FNDC10: variants seen among roughly 807,000 people sequenced by gnomAD.
The protein encoded by FNDC10 is fibronectin type III domain-containing protein 10.
A neutral mutation model predicts 11.6 loss-of-function variants in FNDC10; 8 were observed. The observed-to-expected ratio is 0.69, with a 90% CI of 0.41 to 1.25. FNDC10 has a LOEUF of 1.25. FNDC10 is among the 50% of genes most tolerant of loss of function. FNDC10 has a pLI of 0.01. For synonymous variants in FNDC10, 187 were observed against 162.9 expected (o/e 1.15, Z -1.12); for missense variants, 308 against 330.2 (o/e 0.93, Z 0.52).
Position 1,599,835 on chromosome 1 carries a change from C to T in FNDC10, c.181G>A (p.Gly61Ser), listed in dbSNP as rs1294487803. The change falls in exon 1 of 1, where the codon GGC (glycine) becomes AGC (serine). Residue 61 changes from glycine (G) to serine (S), a missense_variant. By Grantham distance (56) the Gly-to-Ser change is moderately conservative (BLOSUM62 0). Transcript: ENST00000422725. This position sits in a 1 kb window ranked among gnomAD's most constrained non-coding sequence, Gnocchi z 6.7. ...CAGCCCGGAGCCTGGCAGCGGAAGCCGCGCGCGGGGCTGCGGAAGCACAGG... is the reference window on the plus strand; with the variant it reads ...CAGCCCGGAGCCTGGCAGCGGAAGCTGCGCGCGGGGCTGCGGAAGCACAGG... ...GRLCFRSPAR[G>S]FRCQAPGCVL... 4 of 1,098,276 alleles carry T rather than the reference C, an allele frequency of 3.6e-6. No individual in the cohort carries two copies. The highest frequency in any genetic ancestry group is 1.7e-5 in the African/African-American group (1 of 59,502). 68.0% of individuals were successfully genotyped at this position (1,098,276 alleles called of 1,614,324 possible). A position where few individuals can be genotyped will look rare whatever the true frequency, so the allele number is the denominator to read the frequency against.
rs1643080013 is a variant in FNDC10, at chr1:1,599,110, G to A, written c.*225C>T. 2 of 554,366 alleles carry A rather than the reference G, an allele frequency of 3.6e-6. No individual in the cohort carries two copies. The highest frequency in any genetic ancestry group is 2.3e-5 in the South Asian group (1 of 42,700). The allele number at this position is 554,366 out of a possible 1,614,324, so 34.3% of individuals were successfully genotyped here. A position where few individuals can be genotyped will look rare whatever the true frequency, so the allele number is the denominator to read the frequency against. On this transcript the variant is annotated 3_prime_UTR_variant, in exon 1 of 1. Coordinates refer to ENST00000422725, the MANE Select transcript of FNDC10 (RefSeq NM_001242659.2). This position sits in a 1 kb window ranked among gnomAD's most constrained non-coding sequence, Gnocchi z 6.7. ...GAGAGCCCTGGATGCGGCTGGCACA[G>A]CAGCGCAAGCCCAGGGGCCAATCCG...
chr1:1,598,556 C>G lies in FNDC10; in HGVS notation c.*779G>C, dbSNP rs1351077669. On this transcript the variant is annotated 3_prime_UTR_variant, in exon 1 of 1. Transcript: ENST00000422725. ...TGATGGCCGCCATCTGCCCCATTCC[C>G]ACAGGGACCTAGTCAGAGGTCGCAC... is the stretch of plus-strand genomic sequence containing the variant. The G allele has an allele frequency of 6.6e-6, 1 of 152,220 alleles. No homozygotes were observed. The highest frequency in any genetic ancestry group is 1.5e-5 in the Non-Finnish European group (1 of 68,078). The allele number at this position is 152,220 out of a possible 1,614,324, so 9.4% of individuals were successfully genotyped here.
Position 1,598,823 on chromosome 1 carries a change from C to T in FNDC10, c.*512G>A, listed in dbSNP as rs1643077000. ...CTTAGGGCCACAGACCCCCCCTGGACAGCAGAGGGTGTTGGCTCCTGCAGT... is the reference window on the plus strand; with the variant it reads ...CTTAGGGCCACAGACCCCCCCTGGATAGCAGAGGGTGTTGGCTCCTGCAGT... On this transcript the variant is annotated 3_prime_UTR_variant, in exon 1 of 1. Coordinates refer to ENST00000422725, the MANE Select transcript of FNDC10 (RefSeq NM_001242659.2). 6.4e-6 allele frequency: 1 copy of T among 156,652 alleles called. No homozygotes were observed. The highest frequency in any genetic ancestry group is 6.5e-5 in the Admixed American group (1 of 15,430). 9.7% of individuals were successfully genotyped at this position (156,652 alleles called of 1,614,324 possible). A position where few individuals can be genotyped will look rare whatever the true frequency, so the allele number is the denominator to read the frequency against.
rs1161622879 is a variant in FNDC10, at chr1:1,599,691, T to C, written c.325A>G (p.Asn109Asp). 4 of 1,397,182 alleles carry C rather than the reference T, an allele frequency of 2.9e-6. No homozygotes were observed. The highest frequency in any genetic ancestry group is 3.6e-5 in the Admixed American group (1 of 28,108). The allele number at this position is 1,397,182 out of a possible 1,614,324, so 86.5% of individuals were successfully genotyped here. A position where few individuals can be genotyped will look rare whatever the true frequency, so the allele number is the denominator to read the frequency against. ...AARRVRAFALNCSWRGAYTRF... is the reference protein window; with the variant it reads ...AARRVRAFALDCSWRGAYTRF... Reference sequence around the variant, plus strand: ...GTGTAGGCGCCGCGCCACGAGCAGTTGAGCGCGAAGGCGCGCACGCGGCGC... The same window carrying C: ...GTGTAGGCGCCGCGCCACGAGCAGTCGAGCGCGAAGGCGCGCACGCGGCGC... The change falls in exon 1 of 1, where the codon AAC becomes GAC. Residue 109 changes from asparagine (N) to aspartate (D), a missense_variant. Physicochemically the swap from Asn to Asp is conservative, Grantham distance 23. Transcript: ENST00000422725. This position sits in a 1 kb window ranked among gnomAD's most constrained non-coding sequence, Gnocchi z 6.7.
rs566698780 is a variant in FNDC10 at position 1,599,160 on chromosome 1, C to T, written c.*175G>A. On this transcript the variant is annotated 3_prime_UTR_variant, in exon 1 of 1. Transcript: ENST00000422725. The surrounding 1 kb of genome is among the most constrained non-coding windows in gnomAD (Gnocchi z 6.7). ...GGGGCCAGAGTCTGGGAGTCTGACG[C>T]CCGGCTGGAAAGGGCGTGTGATGAT... 8.0e-6 allele frequency: 5 copies of T among 625,862 alleles called. No homozygotes were observed. The South Asian group carries it at 1.1e-4, about 13-fold the overall frequency. The allele number at this position is 625,862 out of a possible 1,614,324, so 38.8% of individuals were successfully genotyped here.
Position 1,599,654 on chromosome 1 carries a change from C to T in FNDC10, c.362G>A (p.Cys121Tyr). Residue 121 changes from cysteine to tyrosine, a missense_variant, in exon 1 of 1, where the codon TGC becomes TAC. By Grantham distance (194) the Cys-to-Tyr change is radical. Transcript: ENST00000422725. This position sits in a 1 kb window ranked among gnomAD's most constrained non-coding sequence, Gnocchi z 6.7. The part of the protein sequence containing the change: ...SWRGAYTRFP[C>Y]ERVLLGASCR... ...GGAGGCCCCGAGGAGCACGCGCTCG[C>T]ACGGGAAGCGCGTGTAGGCGCCGCG... 1 of 1,472,306 alleles carries T rather than the reference C, an allele frequency of 6.8e-7. No homozygotes were observed. The highest frequency in any genetic ancestry group is 9.0e-7 in the Non-Finnish European group (1 of 1,116,884). 91.2% of individuals were successfully genotyped at this position (1,472,306 alleles called of 1,614,324 possible). A position where few individuals can be genotyped will look rare whatever the true frequency, so the allele number is the denominator to read the frequency against.
Position 1,598,889 on chromosome 1 carries a change from T to G in FNDC10, c.*446A>C. ...AGGCACGAAGCTAACCTAAGCCCAG[T>G]GGGGTGGGGCGGGGCAGGACAGGCT... On this transcript the variant is annotated 3_prime_UTR_variant, in exon 1 of 1. Transcript: ENST00000422725. The G allele has an allele frequency of 1.2e-5, 2 of 169,950 alleles. No homozygotes were observed. The highest frequency in any genetic ancestry group is 2.5e-5 in the Non-Finnish European group (2 of 80,486). The allele number at this position is 169,950 out of a possible 1,614,324, so 10.5% of individuals were successfully genotyped here.
Position 1,599,690 on chromosome 1 carries a change from T to C in FNDC10, c.326A>G (p.Asn109Ser), listed in dbSNP as rs1408711328. Reference sequence around the variant, plus strand: ...CGTGTAGGCGCCGCGCCACGAGCAGTTGAGCGCGAAGGCGCGCACGCGGCG... The same window carrying C: ...CGTGTAGGCGCCGCGCCACGAGCAGCTGAGCGCGAAGGCGCGCACGCGGCG... ...AARRVRAFAL[N>S]CSWRGAYTRF... The change falls in exon 1 of 1, where the codon AAC becomes AGC. Residue 109 changes from asparagine (N) to serine (S), a missense_variant. Physicochemically the swap from Asn to Ser is conservative, Grantham distance 46. Transcript: ENST00000422725. This position sits in a 1 kb window ranked among gnomAD's most constrained non-coding sequence, Gnocchi z 6.7. 42 of 1,397,782 alleles carry C rather than the reference T, an allele frequency of 3.0e-5. No individual in the cohort carries two copies. Among genetic ancestry groups the C allele is most frequent in the African/African-American group, 9.2e-5 (6 of 65,090 alleles). The allele number at this position is 1,397,782 out of a possible 1,614,324, so 86.6% of individuals were successfully genotyped here.
At position 1,598,708 on chromosome 1, in the gene FNDC10, T is replaced by C; in HGVS notation, c.*627A>G. 6.6e-6 allele frequency: 1 copy of C among 152,468 alleles called. No individual in the cohort carries two copies. The allele number at this position is 152,468 out of a possible 1,614,324, so 9.4% of individuals were successfully genotyped here. On this transcript the variant is annotated 3_prime_UTR_variant, in exon 1 of 1. Coordinates refer to ENST00000422725, the MANE Select transcript of FNDC10 (RefSeq NM_001242659.2). ...CAACACCCTAAACGGTACAGAGCGC[T>C]GCAGGCCCTCACCTCATGCTTCTGC...
chr1:1,599,158 C>G lies in FNDC10; in HGVS notation c.*177G>C. 1 of 620,516 alleles carries G rather than the reference C, an allele frequency of 1.6e-6. No homozygotes were observed. The highest frequency in any genetic ancestry group is 2.1e-5 in the South Asian group (1 of 46,906). 38.4% of individuals were successfully genotyped at this position (620,516 alleles called of 1,614,324 possible). On this transcript the variant is annotated 3_prime_UTR_variant, in exon 1 of 1. Transcript: ENST00000422725. The surrounding 1 kb of genome is among the most constrained non-coding windows in gnomAD (Gnocchi z 6.7). ...CCGGGGCCAGAGTCTGGGAGTCTGA[C>G]GCCCGGCTGGAAAGGGCGTGTGATG...
chr1:1,599,954 G>A lies in FNDC10; in HGVS notation c.62C>T (p.Ala21Val). 3.0e-6 allele frequency: 3 copies of A among 987,904 alleles called. 1 individual carries two copies. Among genetic ancestry groups the A allele is most frequent in the Non-Finnish European group, 3.6e-6 (3 of 833,180 alleles). The allele number at this position is 987,904 out of a possible 1,614,324, so 61.2% of individuals were successfully genotyped here. The change falls in exon 1 of 1, where the codon GCC becomes GTC. Residue 21 changes from alanine to valine, a missense_variant. Coordinates refer to ENST00000422725, the MANE Select transcript of FNDC10 (RefSeq NM_001242659.2). The surrounding 1 kb of genome is among the most constrained non-coding windows in gnomAD (Gnocchi z 6.7). ...CTCCCAGCCCGGCGGCGTCGGGGCG[G>A]CCGCGGCGCAGGGCGGCGGCGCGCA... is the stretch of plus-strand genomic sequence containing the variant. ...AACAPPPCAAAAPTPPGWEPT... is the reference protein window; with the variant it reads ...AACAPPPCAAVAPTPPGWEPT...
chr1:1,599,836 G>C lies in FNDC10; in HGVS notation c.180C>G (p.Arg60=), dbSNP rs945865589. ...AGCCCGGAGCCTGGCAGCGGAAGCC[G>C]CGCGCGGGGCTGCGGAAGCACAGGC... The part of the protein sequence containing the change: ...GGRLCFRSPA[R]GFRCQAPGCV... Residue 60 remains arginine (R), a synonymous_variant, in exon 1 of 1, where the codon CGC becomes CGG. Coordinates refer to ENST00000422725, the MANE Select transcript of FNDC10 (RefSeq NM_001242659.2). This position sits in a 1 kb window ranked among gnomAD's most constrained non-coding sequence, Gnocchi z 6.7. 5.2e-4 allele frequency: 572 copies of C among 1,094,576 alleles called. 3 individuals are homozygous for C. The African/African-American group carries it at 8.6e-3, about 16-fold the overall frequency. 67.8% of individuals were successfully genotyped at this position (1,094,576 alleles called of 1,614,324 possible). A position where few individuals can be genotyped will look rare whatever the true frequency, so the allele number is the denominator to read the frequency against.
In FNDC10 at chr1:1,599,738, C is replaced by T; in HGVS notation, c.278G>A (p.Trp93Ter). ...VLRNRSVLLQ[W>*]RLAPAAARRV... is the part of the protein sequence containing the mutation. ...GCGCGCGGCGGCCGGGGCCAGGCGC[C>T]ACTGCAGGAGGACGCTGCGGTTGCG... is the stretch of plus-strand genomic sequence containing the variant. The change falls in exon 1 of 1, where the codon TGG (tryptophan) becomes TAG (stop). Residue 93 changes from tryptophan (W) to a stop codon, truncating the protein, a stop_gained. Transcript: ENST00000422725. LOFTEE classifies it high-confidence loss of function. This position sits in a 1 kb window ranked among gnomAD's most constrained non-coding sequence, Gnocchi z 6.7. 1 of 1,319,306 alleles carries T rather than the reference C, an allele frequency of 7.6e-7. No homozygotes were observed. The highest frequency in any genetic ancestry group is 9.6e-7 in the Non-Finnish European group (1 of 1,042,096). 81.7% of individuals were successfully genotyped at this position (1,319,306 alleles called of 1,614,324 possible).
At position 1,599,419 on chromosome 1, in the gene FNDC10, C is replaced by T. The variant is rs934275412; in HGVS notation, c.597G>A (p.Val199=). The change falls in exon 1 of 1, where the codon GTG becomes GTA. Residue 199 remains valine (V), a synonymous_variant. Coordinates refer to ENST00000422725, the MANE Select transcript of FNDC10 (RefSeq NM_001242659.2). The surrounding 1 kb of genome is among the most constrained non-coding windows in gnomAD (Gnocchi z 6.7). ...TGTAGGCCACCAGCAGGCAGATGAC[C>T]ACCAGCATGACGCAGATGGAGCCGC... is the stretch of plus-strand genomic sequence containing the variant. The part of the protein sequence containing the change: ...AVGGSICVML[V]VICLLVAYIT... 5 of 1,534,132 alleles carry T rather than the reference C, an allele frequency of 3.3e-6. No homozygotes were observed. Among genetic ancestry groups the T allele is most frequent in the African/African-American group, 2.7e-5 (2 of 72,804 alleles).
chr1:1,599,834 C>A lies in FNDC10; in HGVS notation c.182G>T (p.Gly61Val), dbSNP rs1382080200. The A allele has an allele frequency of 3.6e-6, 4 of 1,101,992 alleles. No homozygotes were observed. The highest frequency in any genetic ancestry group is 4.4e-6 in the Non-Finnish European group (4 of 907,556). The allele number at this position is 1,101,992 out of a possible 1,614,324, so 68.3% of individuals were successfully genotyped here. The change falls in exon 1 of 1, where the codon GGC becomes GTC. Residue 61 changes from glycine (G) to valine (V), a missense_variant. Physicochemically the swap from Gly to Val is moderately radical, Grantham distance 109. Transcript: ENST00000422725. The surrounding 1 kb of genome is among the most constrained non-coding windows in gnomAD (Gnocchi z 6.7). ...GCAGCCCGGAGCCTGGCAGCGGAAG[C>A]CGCGCGCGGGGCTGCGGAAGCACAG... is the stretch of plus-strand genomic sequence containing the variant. Reference protein sequence around the residue: ...GRLCFRSPARGFRCQAPGCVL... With the variant: ...GRLCFRSPARVFRCQAPGCVL...
Position 1,599,521 on chromosome 1 carries a change from G to C in FNDC10, c.495C>G (p.Pro165=). 1 of 1,514,386 alleles carries C rather than the reference G, an allele frequency of 6.6e-7. No homozygotes were observed. The highest frequency in any genetic ancestry group is 2.6e-5 in the East Asian group (1 of 38,798). 93.8% of individuals were successfully genotyped at this position (1,514,386 alleles called of 1,614,324 possible). A position where few individuals can be genotyped will look rare whatever the true frequency, so the allele number is the denominator to read the frequency against. The change falls in exon 1 of 1, where the codon CCC becomes CCG. Residue 165 remains proline (P), a synonymous_variant. Transcript: ENST00000422725. This position sits in a 1 kb window ranked among gnomAD's most constrained non-coding sequence, Gnocchi z 6.7. ...TGAACTCCACGCACTCGGCCGGCTC[G>C]GGGGTCTCTGGCGCGGCGGCGGCGG... ...AGPAAAAPET[P]EPAECVEFTA...
In FNDC10 at chr1:1,599,283, G is replaced by T; in HGVS notation, c.*52C>A. ...AGGAGAGCGGGCGGAGGACCTGGGA[G>T]CTCAGGCGCCCTCAGGCAGGTGGCG... On this transcript the variant is annotated 3_prime_UTR_variant, in exon 1 of 1. Transcript: ENST00000422725. The surrounding 1 kb of genome is among the most constrained non-coding windows in gnomAD (Gnocchi z 6.7). 7.0e-7 allele frequency: 1 copy of T among 1,425,260 alleles called. No homozygotes were observed. The highest frequency in any genetic ancestry group is 9.2e-7 in the Non-Finnish European group (1 of 1,088,094). The allele number at this position is 1,425,260 out of a possible 1,614,324, so 88.3% of individuals were successfully genotyped here.
Position 1,599,410 on chromosome 1 carries a change from G to A in FNDC10, c.606C>T (p.Cys202=). 6.5e-7 allele frequency: 1 copy of A among 1,534,156 alleles called. No individual in the cohort carries two copies. Among genetic ancestry groups the A allele is most frequent in the South Asian group, 1.2e-5 (1 of 83,994 alleles). The change falls in exon 1 of 1, where the codon TGC becomes TGT. Residue 202 remains cysteine (C), a synonymous_variant. Coordinates refer to ENST00000422725, the MANE Select transcript of FNDC10 (RefSeq NM_001242659.2). The surrounding 1 kb of genome is among the most constrained non-coding windows in gnomAD (Gnocchi z 6.7). ...GSICVMLVVI[C]LLVAYITENL... Reference sequence around the variant, plus strand: ...TCTCGGTGATGTAGGCCACCAGCAGGCAGATGACCACCAGCATGACGCAGA... The same window carrying A: ...TCTCGGTGATGTAGGCCACCAGCAGACAGATGACCACCAGCATGACGCAGA...
At position 1,600,063 on chromosome 1, in the gene FNDC10, C is replaced by T. The variant is rs1326220934; in HGVS notation, c.-48G>A. ...CGGCGCTGGGTCACGCGGGCCGCGC[C>T]GCCGCCGTCCCCGCTGCCCGCTCCC... is the stretch of plus-strand genomic sequence containing the variant. On this transcript the variant is annotated 5_prime_UTR_variant, in exon 1 of 1. Transcript: ENST00000422725. The T allele has an allele frequency of 4.3e-6, 4 of 940,430 alleles. No individual in the cohort carries two copies. The highest frequency in any genetic ancestry group is 6.4e-5 in the Admixed American group (1 of 15,614). 58.3% of individuals were successfully genotyped at this position (940,430 alleles called of 1,614,324 possible).
Sources: allele counts gnomAD v4.1 joint callset, GRCh38; gene constraint gnomAD v4.1.1; non-coding constraint Gnocchi (gnomAD v3.1); transcripts MANE v1.5; gene names NCBI Gene and HGNC (gene_info 2026-07-23, HGNC 2026-07-21).